GRID2: variants seen among roughly 807,000 people sequenced by gnomAD.
GRID2 encodes glutamate receptor ionotropic, delta-2.
Under a neutral mutation model 114.8 loss-of-function variants are expected in GRID2, and 33 were observed. The ratio of observed to expected loss-of-function variants is 0.29; its 90% CI spans 0.22 to 0.38. GRID2 has a LOEUF of 0.38. Ranked by LOEUF, GRID2 falls within the 10% of genes least tolerant of loss-of-function variation. GRID2 has a pLI of 1.00. For missense variants in GRID2, 1,184 were observed against 1,257.7 expected (o/e 0.94, Z 0.89); for synonymous variants, 505 against 449.9 (o/e 1.12, Z -1.55).
At chr4:93,422,437 G>A (rs968541635) in intron 9 of GRID2, among the ~76,000 whole-genome samples, 8 of 152,024 alleles carry the variant, frequency 5.3e-5, no homozygotes, top group Non-Finnish European at 1.0e-4. Context: ...GAATAGATAC[G>A]ATAAATTTAT....
intron 8 of GRID2, among the ~76,000 whole-genome samples, chr4:93,328,725 G>GGATC: frequency 6.6e-6 from 1 of 151,876 alleles, no homozygotes; most frequent in African/African-American, 2.4e-5. Flanking sequence ...ATGGATGGAT[G>GGATC]GATGGATGGA....
chr4:93,085,874 C>T (rs116406607), intron 3 of GRID2, among the ~76,000 whole-genome samples: 181 of 152,182 alleles, frequency 1.2e-3, no homozygotes, highest in African/African-American at 4.0e-3. Context: ...TTTAATCTTC[C>T]AAGGTAAAAC....
At chr4:93,186,357 C>G (rs529712431) in intron 4 of GRID2, among the ~76,000 whole-genome samples, 20 of 152,084 alleles carry the variant, frequency 1.3e-4, no homozygotes, top group Non-Finnish European at 2.6e-4. Context: ...ATACTCCCAC[C>G]AATAGTGTAA....
intron 4 of GRID2, among the ~76,000 whole-genome samples, chr4:93,149,475 C>T (rs1440749035): frequency 1.3e-5 from 2 of 151,408 alleles, no homozygotes; most frequent in Admixed American, 6.6e-5. Context: ...ACTTGGGAGG[C>T]TGAAGCAGGA....
chr4:93,750,713 G>A lies in GRID2; in HGVS notation c.2361-18497G>A, dbSNP rs142193519. Among the ~76,000 whole-genome samples, 404 of 152,006 alleles carry A rather than the reference G, an allele frequency of 2.7e-3. 2 individuals carry two copies. Among genetic ancestry groups the A allele is most frequent in the African/African-American group, 9.4e-3 (390 of 41,462 alleles). ...AGAGCTTGCAGTGAGCTGGGATCGC[G>A]CCACTACACTCCAGACTGGGTGACA... On this transcript the variant is annotated intron_variant, in intron 14 of 15. Coordinates refer to ENST00000282020, the MANE Select transcript of GRID2 (RefSeq NM_001510.4).
chr4:93,764,780 A>G (rs190346495), intron 14 of GRID2, among the ~76,000 whole-genome samples: 8 of 152,348 alleles, frequency 5.3e-5, no homozygotes, highest in African/African-American at 1.9e-4. Flanking sequence ...CCATAGATTA[A>G]CAATAACCAC....
At chr4:92,536,665 G>A (rs568796092) in intron 1 of GRID2, among the ~76,000 whole-genome samples, 1 of 152,082 alleles carries the variant, frequency 6.6e-6, no homozygotes, top group African/African-American at 2.4e-5. Flanking sequence ...TCAAAATCTT[G>A]CTATTTTAGT....
At chr4:93,584,960 T>A (rs1336731244) in intron 13 of GRID2, among the ~76,000 whole-genome samples, 2 of 152,086 alleles carry the variant, frequency 1.3e-5, no homozygotes, top group East Asian at 1.9e-4. Flanking sequence ...GACTCTCTGG[T>A]GAAGCTTTCC....
chr4:93,799,064 A>T lies in GRID2; in HGVS notation c.222-7651A>T, dbSNP rs574289196. On this transcript the variant is annotated intron_variant, in intron 1 of 1. Coordinates refer to the GRID2 transcript ENST00000637838. Reference sequence around the variant, plus strand: ...TGCTTAGCGGTCTGATCTTGGGCAAACCATTTAAAGACCCTCAACCTCAGT... The same window carrying T: ...TGCTTAGCGGTCTGATCTTGGGCAATCCATTTAAAGACCCTCAACCTCAGT... Among the ~76,000 whole-genome samples, 7 of 152,302 alleles carry T rather than the reference A, an allele frequency of 4.6e-5. No homozygotes were observed. In the South Asian group the frequency reaches 1.5e-3, roughly 32 times the overall value.
At position 92,677,890 on chromosome 4, in the gene GRID2, G is replaced by A. The variant is rs143491460; in HGVS notation, c.244+87604G>A. ...ACATCATCCAGGGAAGTTATGTTACGTAAATCAGATCATGCTCCTTCACTA... is the reference window on the plus strand; with the variant it reads ...ACATCATCCAGGGAAGTTATGTTACATAAATCAGATCATGCTCCTTCACTA... On this transcript the variant is annotated intron_variant, in intron 2 of 15. Coordinates refer to ENST00000282020, the MANE Select transcript of GRID2 (RefSeq NM_001510.4). Among the ~76,000 whole-genome samples the A allele has an allele frequency of 1.7e-4, 26 of 152,018 alleles. No individual in the cohort carries two copies. In the South Asian group the frequency reaches 4.6e-3, roughly 27 times the overall value.
chr4:93,531,185 C>T (rs528060366), intron 13 of GRID2, among the ~76,000 whole-genome samples: 16 of 152,108 alleles, frequency 1.1e-4, no homozygotes, highest in Non-Finnish European at 1.5e-4. Flanking sequence ...CAGAGTAAGA[C>T]GAAGGCTAGG....
chr4:93,338,113 A>G (rs1037851351), intron 8 of GRID2, among the ~76,000 whole-genome samples: 3 of 151,824 alleles, frequency 2.0e-5, no homozygotes, highest in African/African-American at 7.3e-5. Flanking sequence ...GATGAAGTAT[A>G]TGTCTAAATT....
At chr4:93,322,191 C>T (rs1757301364) in intron 8 of GRID2, among the ~76,000 whole-genome samples, 1 of 151,964 alleles carries the variant, frequency 6.6e-6, no homozygotes, top group Non-Finnish European at 1.5e-5. Context: ...TGCTATCCCT[C>T]CCCGCTTCCC....
chr4:93,337,427 G>C (rs1369038300), intron 8 of GRID2, among the ~76,000 whole-genome samples: 1 of 152,166 alleles, frequency 6.6e-6, no homozygotes, highest in East Asian at 1.9e-4. Flanking sequence ...ACACAGAGGA[G>C]CCCACATGAA....
chr4:92,688,640 TA>T (rs1228803306), intron 2 of GRID2, among the ~76,000 whole-genome samples: 1 of 152,232 alleles, frequency 6.6e-6, no homozygotes, highest in African/African-American at 2.4e-5. Context: ...GGTTCACTTC[TA>T]ATTTTACTTC....
At chr4:92,485,187 T>C (rs1033778981) in intron 1 of GRID2, among the ~76,000 whole-genome samples, 3 of 150,424 alleles carry the variant, frequency 2.0e-5, no homozygotes, top group African/African-American at 4.9e-5. Flanking sequence ...CAGTTGGGGA[T>C]TGGGAAGGAA....
intron 8 of GRID2, among the ~76,000 whole-genome samples, chr4:93,321,711 G>C: frequency 6.6e-6 from 1 of 151,374 alleles, no homozygotes; most frequent in East Asian, 1.9e-4. Context: ...ATATTCTCTA[G>C]GTTTTCATTT....
chr4:92,977,261 A>G (rs1465999701), intron 2 of GRID2, among the ~76,000 whole-genome samples: 1 of 152,146 alleles, frequency 6.6e-6, no homozygotes, highest in East Asian at 1.9e-4. Flanking sequence ...AATGGGAGAC[A>G]TTTTCCCTAA....
chr4:93,026,286 G>A (rs1414177880), intron 2 of GRID2, among the ~76,000 whole-genome samples: 1 of 151,630 alleles, frequency 6.6e-6, no homozygotes, highest in African/African-American at 2.4e-5. Flanking sequence ...TATACATTGA[G>A]CTCATTATAA....
Sources: allele counts gnomAD v4.1 joint callset (sites outside exome capture counted in the v4.1 genomes callset), GRCh38; gene constraint gnomAD v4.1.1; transcripts MANE v1.5; gene names NCBI Gene and HGNC (gene_info 2026-07-23, HGNC 2026-07-21).